The following WSCD1 variants were observed in gnomAD, a reference collection of about 807,000 sequenced individuals.
WSCD1 encodes the protein sialate:O-sulfotransferase 1.
WSCD1 carries 41 observed loss-of-function variants against 60.4 expected under a neutral mutation model. That is an observed-to-expected ratio of 0.68 (90% CI 0.53 to 0.88). WSCD1 has a LOEUF of 0.88. Ranked by LOEUF, WSCD1 falls within the 40% of genes least tolerant of loss-of-function variation. The probability of loss-of-function intolerance (pLI) is 0.00; values close to 1 mark genes in which losing one functional copy is unlikely to be tolerated. For missense variants in WSCD1, 784 were observed against 796.2 expected (o/e 0.98, Z 0.18); for synonymous variants, 361 against 332.5 (o/e 1.09, Z -0.93).
rs994453928 is a variant in WSCD1, at chr17:6,091,174, G to A, written c.727+669G>A. Among the ~76,000 whole-genome samples, 10 of 152,320 alleles carry A rather than the reference G, an allele frequency of 6.6e-5. No individual in the cohort carries two copies. In the East Asian group the frequency reaches 7.7e-4, roughly 12 times the overall value. ...CTCCCAGAGTGCTGGGATTACAGGC[G>A]TGAGCCACGCACCCATCCAGGAGAC... On this transcript the variant is annotated intron_variant, in intron 4 of 8. Transcript: ENST00000317744.
intron 1 of WSCD1, among the ~76,000 whole-genome samples, chr17:6,076,677 T>C (rs894165893): frequency 6.6e-6 from 1 of 152,192 alleles, no homozygotes; most frequent in African/African-American, 2.4e-5. Flanking sequence ...TTGCTCGAGG[T>C]AGGTTTACTG....
In WSCD1 at chr17:6,108,394, A is replaced by G. The variant is rs540815504; in HGVS notation, c.850-1213A>G. ...ACACACACTCACAGATTACTCTCTC[A>G]TCTCTCTACGCTCCAAAAGTCCTAG... On this transcript the variant is annotated intron_variant, in intron 5 of 8. Transcript: ENST00000317744. Among the ~76,000 whole-genome samples the G allele has an allele frequency of 5.9e-5, 9 of 152,210 alleles. No homozygotes were observed. The South Asian group carries it at 1.9e-3, about 32-fold the overall frequency.
At chr17:6,088,896 C>A (rs1230428582) in intron 3 of WSCD1, among the ~76,000 whole-genome samples, 1 of 151,998 alleles carries the variant, frequency 6.6e-6, no homozygotes, top group Non-Finnish European at 1.5e-5. Flanking sequence ...CATTCGCCTG[C>A]CTCAGCCTCC....
At chr17:6,120,213 A>G in intron 8 of WSCD1, 96 bp from the exon 9 acceptor site, 1 of 1,332,728 alleles carries the variant, frequency 7.5e-7, no homozygotes, top group East Asian at 2.3e-5. Flanking sequence ...ACAGTGGAAA[A>G]CCCTGCCCAC....
At chr17:6,094,595 G>GGAAGGAAGGAAGGAAGGA (rs1555527779) in intron 4 of WSCD1, among the ~76,000 whole-genome samples, 3 of 147,586 alleles carry the variant, frequency 2.0e-5, no homozygotes, top group African/African-American at 4.9e-5. Context: ...AAGGGAGGAA[G>GGAAGGAAGGAAGGAAGGA]GAAGGAAGGA....
At position 6,101,969 on chromosome 17, in the gene WSCD1, G is replaced by T. The variant is rs975110692; in HGVS notation, c.849+6746G>T. 1.3e-5 allele frequency among the ~76,000 whole-genome samples: 2 copies of T among 152,222 alleles called. No individual in the cohort carries two copies. Among genetic ancestry groups the T allele is most frequent in the African/African-American group, 2.4e-5 (1 of 41,452 alleles). ...TACTAATGTGAGACACTCCACCGGC[G>T]ATTATACCTTGTGATGTGAGGTTTG... is the stretch of plus-strand genomic sequence containing the variant. On this transcript the variant is annotated intron_variant, in intron 5 of 8. Transcript: ENST00000317744. This position sits in a 1 kb window ranked among gnomAD's most constrained non-coding sequence, Gnocchi z 4.1.
intron 1 of WSCD1, among the ~76,000 whole-genome samples, chr17:6,073,735 A>G (rs1908683852): frequency 1.3e-5 from 2 of 152,248 alleles, no homozygotes; most frequent in Non-Finnish European, 2.9e-5. Context: ...CCAGGAAAGG[A>G]AAAATGCCGG....
chr17:6,117,871 C>T (rs1485020479), intron 7 of WSCD1, 117 bp from the exon 8 acceptor site: 2 of 1,044,328 alleles, frequency 1.9e-6, no homozygotes, highest in East Asian at 4.9e-5. Flanking sequence ...TCCTCTGTGT[C>T]TTCCATGGGC....
rs1307428471 is a variant in WSCD1 at position 6,118,972 on chromosome 17, T to C, written c.1375+784T>C. Among the ~76,000 whole-genome samples, 1 of 152,186 alleles carries C rather than the reference T, an allele frequency of 6.6e-6. No homozygotes were observed. Among genetic ancestry groups the C allele is most frequent in the East Asian group, 1.9e-4 (1 of 5,190 alleles). On this transcript the variant is annotated intron_variant, in intron 8 of 8. Coordinates refer to ENST00000317744, the MANE Select transcript of WSCD1 (RefSeq NM_015253.2). This position sits in a 1 kb window ranked among gnomAD's most constrained non-coding sequence, Gnocchi z 5.8. The stretch of plus-strand genomic sequence containing the variant: ...AGTCCAAGATCAAAGTGCTGGCTAA[T>C]TCCATTCCCAGGAAGGGCCTGTTTT...
At chr17:6,069,800 T>C (rs201155589), upstream of WSCD1, among the ~76,000 whole-genome samples, 60 of 32,326 alleles carry the variant, frequency 1.9e-3, no homozygotes, top group East Asian at 0.015. Context: ...TGTGTGTGTG[T>C]GCGTGCGTGT....
At chr17:6,084,989 A>G (rs1281548230) in intron 2 of WSCD1, 1 of 152,202 alleles carries the variant, frequency 6.6e-6, no homozygotes, top group African/African-American at 2.4e-5. Flanking sequence ...GGTGAGCTCC[A>G]TCAAATGGCC....
At chr17:6,098,981 T>C (rs377076848) in intron 5 of WSCD1, among the ~76,000 whole-genome samples, 34 of 151,846 alleles carry the variant, frequency 2.2e-4, no homozygotes, top group East Asian at 9.7e-4. Flanking sequence ...CTGAGGGGAT[T>C]AAGGAGTGTG....
In WSCD1 at chr17:6,081,078, C is replaced by T. The variant is rs1360132383; in HGVS notation, c.420C>T (p.His140=). ...LGPEAARPAI[H]SRGTYIGCFS... The stretch of plus-strand genomic sequence containing the variant: ...CCGAGGCTGCCAGGCCCGCCATCCA[C>T]AGCCGAGGTAGGCGCTCAGCTGCAT... Residue 140 remains histidine, a synonymous_variant, in exon 2 of 9, where the codon CAC becomes CAT. Coordinates refer to ENST00000317744, the MANE Select transcript of WSCD1 (RefSeq NM_015253.2). 5.2e-6 allele frequency: 8 copies of T among 1,537,628 alleles called. No individual in the cohort carries two copies. The highest frequency in any genetic ancestry group is 2.4e-5 in the South Asian group (2 of 83,820).
In WSCD1 at chr17:6,088,034, C is replaced by T. The variant is rs2150540886; in HGVS notation, c.472C>T (p.Leu158=). ...CFSDDGHERT[L]KGAVFYDLRK... ...CAGTGACGATGGCCACGAGAGGACT[C>T]TGAAAGGAGCTGTGTTTTATGACTT... The change falls in exon 3 of 9, where the codon CTG becomes TTG. Residue 158 remains leucine (L), a synonymous_variant. Transcript: ENST00000317744. 3 of 1,614,204 alleles carry T rather than the reference C, an allele frequency of 1.9e-6. No homozygotes were observed. The highest frequency in any genetic ancestry group is 1.7e-6 in the Non-Finnish European group (2 of 1,180,040).
At chr17:6,093,790 G>A (rs944483499) in intron 4 of WSCD1, among the ~76,000 whole-genome samples, 1 of 152,216 alleles carries the variant, frequency 6.6e-6, no homozygotes, top group Non-Finnish European at 1.5e-5. Flanking sequence ...GAAATTGAGA[G>A]TCTGAGCCCG....
At chr17:6,076,251 G>C (rs903596807) in intron 1 of WSCD1, among the ~76,000 whole-genome samples, 12 of 152,166 alleles carry the variant, frequency 7.9e-5, no homozygotes, top group African/African-American at 2.4e-4. Context: ...GCATTTGCTT[G>C]GTGGGTTGTC....
chr17:6,095,279 G>C (rs1567555300), intron 5 of WSCD1, 56 bp downstream of exon 5: 37 of 1,556,874 alleles, frequency 2.4e-5, no homozygotes, highest in Admixed American at 7.6e-5. Flanking sequence ...TGGTGGTCCT[G>C]AGAGAGGGGG....
At chr17:6,113,373 C>T (rs1911513493) in intron 7 of WSCD1, among the ~76,000 whole-genome samples, 2 of 152,062 alleles carry the variant, frequency 1.3e-5, no homozygotes, top group Non-Finnish European at 2.9e-5. Context: ...AATGTAAGAC[C>T]CAAATCTATT....
At position 6,091,981 on chromosome 17, in the gene WSCD1, C is replaced by A. The variant is rs1910080523; in HGVS notation, c.727+1476C>A. Among the ~76,000 whole-genome samples, 3 of 152,020 alleles carry A rather than the reference C, an allele frequency of 2.0e-5. No individual in the cohort carries two copies. In the South Asian group the frequency reaches 6.2e-4, roughly 32 times the overall value. The stretch of plus-strand genomic sequence containing the variant: ...ACCAGCCTGACCAACATGGTGAAAA[C>A]CCGTCTCTACTAAAAATACAAAATT... On this transcript the variant is annotated intron_variant, in intron 4 of 8. Coordinates refer to ENST00000317744, the MANE Select transcript of WSCD1 (RefSeq NM_015253.2).
Sources: allele counts gnomAD v4.1 joint callset (sites outside exome capture counted in the v4.1 genomes callset), GRCh38; gene constraint gnomAD v4.1.1; non-coding constraint Gnocchi (gnomAD v3.1); transcripts MANE v1.5; gene names NCBI Gene and HGNC (gene_info 2026-07-23, HGNC 2026-07-21).